IL2: variants seen among roughly 807,000 people sequenced by gnomAD.
The protein encoded by IL2 is interleukin-2.
In IL2, 3 loss-of-function variants were observed where a neutral mutation model predicts 14.6. The ratio of observed to expected loss-of-function variants is 0.21; its 90% CI spans 0.09 to 0.53. The LOEUF (loss-of-function observed/expected upper bound fraction) is 0.53. IL2 is among the 20% of genes least tolerant of loss of function. The pLI is 0.95. For missense variants in IL2, 125 were observed against 170.8 expected, an observed-to-expected ratio of 0.73 and a Z score of 1.50; for synonymous variants, 71 against 60.0, an observed-to-expected ratio of 1.18 and a Z score of -0.85.
intron 2 of IL2, among the ~76,000 whole-genome samples, chr4:122,454,962 T>C (rs553277364): frequency 6.6e-6 from 1 of 151,860 alleles, no homozygotes; most frequent in Admixed American, 6.6e-5. Context: ...AATTCACCAC[T>C]ACAAATTCTA....
intron 2 of IL2, among the ~76,000 whole-genome samples, chr4:122,454,908 C>G (rs1045060059): frequency 6.6e-6 from 1 of 151,770 alleles, no homozygotes; most frequent in Admixed American, 6.6e-5. Flanking sequence ...AAAGGTAGGT[C>G]AAGACAATAC....
At chr4:122,453,882 T>A in intron 2 of IL2, 29 bp from the exon 3 acceptor site, 1 of 1,579,386 alleles carries the variant, frequency 6.3e-7, no homozygotes, top group Non-Finnish European at 8.6e-7. Context: ...TCAGCTCAGT[T>A]TACATAGAGG....
intron 2 of IL2, 85 bp from the exon 3 acceptor site, chr4:122,453,938 G>A: frequency 8.3e-7 from 1 of 1,210,392 alleles, no homozygotes; most frequent in East Asian, 2.4e-5. Context: ...TGGAGTAGCA[G>A]TATGTAGTTT....
intron 2 of IL2, among the ~76,000 whole-genome samples, chr4:122,455,711 ACT>A (rs1327744899): frequency 2.6e-5 from 4 of 151,824 alleles, no homozygotes; most frequent in Non-Finnish European, 4.4e-5. Flanking sequence ...CTGGCCCCAG[ACT>A]CTGTGCTATT....
intron 2 of IL2, among the ~76,000 whole-genome samples, chr4:122,454,888 CTT>C (rs898651154): frequency 1.3e-5 from 2 of 151,808 alleles, no homozygotes; most frequent in African/African-American, 2.4e-5. Context: ...TTCTAACACT[CTT>C]TAGTGGGAAA....
intron 3 of IL2, 107 bp from the exon 4 acceptor site, chr4:122,451,969 C>T (rs1797680792): frequency 2.4e-6 from 1 of 410,988 alleles, no homozygotes; most frequent in Admixed American, 4.4e-5. Context: ...TTCAAGCTTA[C>T]CAAACATATT....
Position 122,451,690 on chromosome 4 carries a change from A to T in IL2, c.*62T>A. 1.8e-6 allele frequency: 1 copy of T among 562,258 alleles called. No homozygotes were observed. Among genetic ancestry groups the T allele is most frequent in the East Asian group, 3.4e-5 (1 of 29,400 alleles). 34.8% of individuals were successfully genotyped at this position (562,258 alleles called of 1,614,324 possible). On this transcript the variant is annotated 3_prime_UTR_variant, in exon 4 of 4. Transcript: ENST00000226730. Reference sequence around the variant, plus strand: ...AAACCATACATTCAACAATAAATATAAAATTTAAATATTTAAATAAATAGA... The same window carrying T: ...AAACCATACATTCAACAATAAATATTAAATTTAAATATTTAAATAAATAGA...
At chr4:122,454,515 T>C (rs1797710924) in intron 2 of IL2, among the ~76,000 whole-genome samples, 2 of 151,772 alleles carry the variant, frequency 1.3e-5, no homozygotes, top group African/African-American at 4.8e-5. Flanking sequence ...ATATATAATA[T>C]TTCATATTTC....
intron 3 of IL2, 121 bp downstream of exon 3, chr4:122,453,589 G>A: frequency 1.4e-6 from 1 of 724,302 alleles, no homozygotes; most frequent in Non-Finnish European, 2.3e-6. Context: ...TAAAATGTAG[G>A]CTAATTACAT....
At chr4:122,452,362 A>G (rs1797685510) in intron 3 of IL2, among the ~76,000 whole-genome samples, 1 of 152,078 alleles carries the variant, frequency 6.6e-6, no homozygotes, top group South Asian at 2.1e-4. Flanking sequence ...CACTAGAGTA[A>G]GCTAGGACAT....
Position 122,456,702 on chromosome 4 carries a change from C to A in IL2, c.-262G>T. On this transcript the variant is annotated 5_prime_UTR_variant, in exon 1 of 4. The change abolishes an upstream ATG in the 5' untranslated region. Transcript: ENST00000226730. Reference sequence around the variant, plus strand: ...ATGTAGGTGAAATCCCTCTTTGTTACATTAGCCCACACTTAGGTGATAGCT... The same window carrying A: ...ATGTAGGTGAAATCCCTCTTTGTTAAATTAGCCCACACTTAGGTGATAGCT... 1 of 327,424 alleles carries A rather than the reference C, an allele frequency of 3.1e-6. No homozygotes were observed. Among genetic ancestry groups the A allele is most frequent in the Non-Finnish European group, 5.6e-6 (1 of 179,238 alleles). 20.3% of individuals were successfully genotyped at this position (327,424 alleles called of 1,614,324 possible). A position where few individuals can be genotyped will look rare whatever the true frequency, so the allele number is the denominator to read the frequency against.
At chr4:122,455,358 A>T (rs1028170063) in intron 2 of IL2, among the ~76,000 whole-genome samples, 7 of 151,994 alleles carry the variant, frequency 4.6e-5, no homozygotes, top group African/African-American at 1.7e-4. Flanking sequence ...TGAATCCAAA[A>T]ACAACCTAAT....
chr4:122,456,059 G>A (rs1355414038), intron 2 of IL2, 85 bp downstream of exon 2: 3 of 934,432 alleles, frequency 3.2e-6, no homozygotes, highest in Non-Finnish European at 5.1e-6. Context: ...CCTCAGATGA[G>A]CTGCTATTAG....
intron 3 of IL2, among the ~76,000 whole-genome samples, chr4:122,452,968 A>G (rs1037441395): frequency 2.6e-5 from 4 of 151,940 alleles, no homozygotes; most frequent in Non-Finnish European, 2.9e-5. Context: ...AATTCAACTG[A>G]AACAGTCCAC....
chr4:122,452,579 G>A (rs886832591), intron 3 of IL2, among the ~76,000 whole-genome samples: 2 of 147,822 alleles, frequency 1.4e-5, no homozygotes, highest in Non-Finnish European at 2.9e-5. Context: ...GATAAGCTAA[G>A]GAGGAAATAT....
intron 3 of IL2, among the ~76,000 whole-genome samples, chr4:122,453,122 T>C (rs1250551848): frequency 6.6e-6 from 1 of 151,946 alleles, no homozygotes; most frequent in Non-Finnish European, 1.5e-5. Flanking sequence ...AAAGTGAATC[T>C]CTTTTACATC....
In IL2 at chr4:122,453,857, G is replaced by T; in HGVS notation, c.208-4C>A. On this transcript the variant is annotated splice_polypyrimidine_tract_variant and splice_region_variant and intron_variant, in intron 2 of 3. Coordinates refer to ENST00000226730, the MANE Select transcript of IL2 (RefSeq NM_000586.4). The stretch of plus-strand genomic sequence containing the variant: ...GAAGATGTTTCAGTTCTGTGGCCTA[G>T]AATAATAATTATCATCAGCTCAGTT... The T allele has an allele frequency of 6.3e-7, 1 of 1,599,640 alleles. No homozygotes were observed. Among genetic ancestry groups the T allele is most frequent in the South Asian group, 1.1e-5 (1 of 88,046 alleles).
chr4:122,451,899 G>A, intron 3 of IL2, 37 bp from the exon 4 acceptor site: 5 of 1,123,220 alleles, frequency 4.5e-6, no homozygotes, highest in Admixed American at 4.1e-5. Flanking sequence ...AAAGTACAGA[G>A]TAGTTTACCT....
Position 122,456,537 on chromosome 4 carries a change from A to G in IL2, c.-97T>C. The G allele has an allele frequency of 1.1e-6, 1 of 921,310 alleles. No individual in the cohort carries two copies. 57.1% of individuals were successfully genotyped at this position (921,310 alleles called of 1,614,324 possible). A position where few individuals can be genotyped will look rare whatever the true frequency, so the allele number is the denominator to read the frequency against. ...AATTTATACTGTTAATTCTGGAAAAATATTATGGGGGTGTCAAAATGTTTT... is the reference window on the plus strand; with the variant it reads ...AATTTATACTGTTAATTCTGGAAAAGTATTATGGGGGTGTCAAAATGTTTT... On this transcript the variant is annotated 5_prime_UTR_variant, in exon 1 of 4. Transcript: ENST00000226730.
Sources: allele counts gnomAD v4.1 joint callset (sites outside exome capture counted in the v4.1 genomes callset), GRCh38; gene constraint gnomAD v4.1.1; transcripts MANE v1.5; gene names NCBI Gene and HGNC (gene_info 2026-07-23, HGNC 2026-07-21).